Variants in PGR observed in about 807,000 individuals in gnomAD.
PGR encodes progesterone receptor, also known as nuclear receptor subfamily 3 group C member 3.
PGR carries 25 observed loss-of-function variants against 76.1 expected under a neutral mutation model. The observed-to-expected ratio is 0.33, with a 90% CI of 0.24 to 0.46. PGR has a LOEUF of 0.46. Ranked by LOEUF, PGR falls within the 20% of genes least tolerant of loss-of-function variation. The probability of loss-of-function intolerance (pLI) is 1.00; values close to 1 mark genes in which losing one functional copy is unlikely to be tolerated. For synonymous variants in PGR, 579 were observed against 535.0 expected, an observed-to-expected ratio of 1.08 and a Z score of -1.14; for missense variants, 1,172 against 1,225.3, an observed-to-expected ratio of 0.96 and a Z score of 0.65.
At chr11:101,103,192 T>A (rs1022519288) in intron 2 of PGR, among the ~76,000 whole-genome samples, 4 of 152,054 alleles carry the variant, frequency 2.6e-5, no homozygotes, top group African/African-American at 9.7e-5. Flanking sequence ...CAGTATGGTA[T>A]GACCCACAAA....
chr11:101,105,088 G>A (rs193290304), intron 2 of PGR, among the ~76,000 whole-genome samples: 2 of 152,292 alleles, frequency 1.3e-5, no homozygotes, highest in East Asian at 1.9e-4. Context: ...GAGGATGTGA[G>A]TAAGGCTAGA....
intron 3 of PGR, among the ~76,000 whole-genome samples, chr11:101,067,995 A>G (rs1169161681): frequency 6.6e-6 from 1 of 152,166 alleles, no homozygotes; most frequent in Non-Finnish European, 1.5e-5. Flanking sequence ...TTCTGGAGAA[A>G]GATAAAGAGG....
At chr11:101,090,749 A>C (rs112370991) in intron 3 of PGR, among the ~76,000 whole-genome samples, 2 of 152,186 alleles carry the variant, frequency 1.3e-5, no homozygotes, top group African/African-American at 2.4e-5. Flanking sequence ...AGAAATTATA[A>C]AATTCTATAA....
chr11:101,051,322 T>C (rs1240477793), intron 5 of PGR, 102 bp downstream of exon 5: 1 of 789,706 alleles, frequency 1.3e-6, no homozygotes. Flanking sequence ...AATGTCATCA[T>C]ATCAAGAACA....
At chr11:101,095,728 TC>T (rs1861812763) in intron 2 of PGR, among the ~76,000 whole-genome samples, 1 of 152,212 alleles carries the variant, frequency 6.6e-6, no homozygotes, top group Non-Finnish European at 1.5e-5. Flanking sequence ...ATACACAAGC[TC>T]ATGTAAGAGC....
chr11:101,060,481 G>A (rs1860452936), intron 4 of PGR, among the ~76,000 whole-genome samples: 1 of 152,104 alleles, frequency 6.6e-6, no homozygotes, highest in South Asian at 2.1e-4. Context: ...CATTTATTGA[G>A]TGAATAAGTG....
At chr11:101,074,535 C>T (rs2135429425) in intron 3 of PGR, among the ~76,000 whole-genome samples, 1 of 152,184 alleles carries the variant, frequency 6.6e-6, no homozygotes, top group South Asian at 2.1e-4. Context: ...GGAAGTCAAA[C>T]TGTGTCTTTT....
At chr11:101,115,085 G>T (rs1393626707) in intron 2 of PGR, among the ~76,000 whole-genome samples, 1 of 152,058 alleles carries the variant, frequency 6.6e-6, no homozygotes, top group Admixed American at 6.6e-5. Flanking sequence ...CTCATGAAAA[G>T]AATTATCCTA....
At chr11:101,088,133 G>C (rs1374903497) in intron 3 of PGR, among the ~76,000 whole-genome samples, 3 of 152,120 alleles carry the variant, frequency 2.0e-5, no homozygotes, top group Admixed American at 6.6e-5. Flanking sequence ...AGGAGATTGA[G>C]GCTGCAGTGA....
At chr11:101,072,054 A>C (rs1180360410) in intron 3 of PGR, among the ~76,000 whole-genome samples, 1 of 130,112 alleles carries the variant, frequency 7.7e-6, no homozygotes, top group East Asian at 2.6e-4. Context: ...AAATGAAGGA[A>C]AAAACGTTAA....
chr11:101,059,635 A>G (rs571589724), intron 4 of PGR, among the ~76,000 whole-genome samples: 1 of 152,034 alleles, frequency 6.6e-6, no homozygotes, highest in African/African-American at 2.4e-5. Flanking sequence ...GGAGTTCAAG[A>G]CCAGCCTGGG....
chr11:101,046,582 A>G (rs553613356), intron 6 of PGR, among the ~76,000 whole-genome samples: 1 of 151,996 alleles, frequency 6.6e-6, no homozygotes, highest in African/African-American at 2.4e-5. Context: ...TCAAAGTTTT[A>G]CTTTGCCAAT....
intron 4 of PGR, among the ~76,000 whole-genome samples, chr11:101,057,149 A>C (rs1001666559): frequency 1.3e-5 from 2 of 152,212 alleles, no homozygotes; most frequent in Admixed American, 6.5e-5. Context: ...ATGGTTGACA[A>C]GCACAAAGGA....
chr11:101,045,634 A>G (rs1859845923), intron 6 of PGR, among the ~76,000 whole-genome samples: 1 of 150,680 alleles, frequency 6.6e-6, no homozygotes, highest in South Asian at 2.1e-4. Context: ...ACACACTTTC[A>G]TTCTTTTTGA....
chr11:101,074,858 T>C (rs1374768377), intron 3 of PGR, among the ~76,000 whole-genome samples: 3 of 152,190 alleles, frequency 2.0e-5, no homozygotes, highest in Non-Finnish European at 4.4e-5. Context: ...TCTATGCTCA[T>C]GGATCAGAAG....
intron 3 of PGR, among the ~76,000 whole-genome samples, chr11:101,069,978 A>G (rs1860863826): frequency 6.6e-6 from 1 of 151,804 alleles, no homozygotes; most frequent in African/African-American, 2.4e-5. Context: ...TATTCTGTAC[A>G]TGTATCCCAG....
intron 3 of PGR, chr11:101,063,017 A>ATT: frequency 2.8e-6 from 1 of 356,036 alleles, no homozygotes; most frequent in East Asian, 6.1e-5. Flanking sequence ...GGTGTGGGTA[A>ATT]TTATACCAGT....
chr11:101,064,203 C>T (rs1400262263), intron 3 of PGR, among the ~76,000 whole-genome samples: 1 of 151,122 alleles, frequency 6.6e-6, no homozygotes, highest in Non-Finnish European at 1.5e-5. Flanking sequence ...TGGTGGTGGG[C>T]ACCTGTAATC....
chr11:101,095,820 A>T (rs1416384631), intron 2 of PGR, among the ~76,000 whole-genome samples: 1 of 152,196 alleles, frequency 6.6e-6, no homozygotes, highest in Non-Finnish European at 1.5e-5. Context: ...TCTCAAATAT[A>T]GTTAGATTTT....
Sources: allele counts gnomAD v4.1 joint callset (sites outside exome capture counted in the v4.1 genomes callset), GRCh38; gene constraint gnomAD v4.1.1; transcripts MANE v1.5; gene names NCBI Gene and HGNC (gene_info 2026-07-23, HGNC 2026-07-21).